Variants in DMTF1 observed in about 807,000 individuals in gnomAD.
DMTF1 encodes cyclin-D-binding Myb-like transcription factor 1.
DMTF1 carries 39 observed loss-of-function variants against 91.1 expected under a neutral mutation model. That is an observed-to-expected ratio of 0.43 (90% CI 0.33 to 0.56). The LOEUF is 0.56. Among genes scored for constraint, DMTF1 ranks in the 20% least tolerant of loss-of-function variants. The probability of loss-of-function intolerance (pLI) is 0.05; values close to 1 mark genes in which losing one functional copy is unlikely to be tolerated. For synonymous variants in DMTF1, 338 were observed against 309.5 expected, an observed-to-expected ratio of 1.09 and a Z score of -0.97; for missense variants, 750 against 914.5, an observed-to-expected ratio of 0.82 and a Z score of 2.32.
chr7:87,186,091 C>G, intron 12 of DMTF1, 111 bp downstream of exon 12: 1 of 1,109,844 alleles, frequency 9.0e-7, no homozygotes, highest in Non-Finnish European at 1.3e-6. Context: ...TAGCAGATTT[C>G]TACTTACACC....
At chr7:87,165,282 CTTCT>C (rs1022567335) in intron 3 of DMTF1, among the ~76,000 whole-genome samples, 3 of 18,098 alleles carry the variant, frequency 1.7e-4, no homozygotes, top group African/African-American at 3.2e-4. Flanking sequence ...ATAATATATA[CTTCT>C]TTTTTTATAC....
intron 7 of DMTF1, among the ~76,000 whole-genome samples, chr7:87,179,125 A>T (rs1796845145): frequency 6.6e-6 from 1 of 151,846 alleles, no homozygotes; most frequent in Non-Finnish European, 1.5e-5. Flanking sequence ...TTTTTTTAAA[A>T]TTTTGGCAGA....
chr7:87,167,211 A>G (rs1433280813), intron 4 of DMTF1, among the ~76,000 whole-genome samples: 1 of 152,242 alleles, frequency 6.6e-6, no homozygotes, highest in Admixed American at 6.5e-5. Context: ...GAAAGTTAGA[A>G]GCCTAATTAG....
chr7:87,175,553 G>A (rs147164748), intron 7 of DMTF1, among the ~76,000 whole-genome samples: 479 of 152,306 alleles, frequency 3.1e-3, no homozygotes, highest in African/African-American at 0.011. Flanking sequence ...ACTGGAAACA[G>A]GTGAAGAGTG....
chr7:87,195,165 C>A lies in DMTF1; in HGVS notation c.*25C>A. On this transcript the variant is annotated 3_prime_UTR_variant, in exon 18 of 18. Transcript: ENST00000331242. Reference sequence around the variant, plus strand: ...GAATAATTCTTAGAAATAGGCAGTTCAAGCAAAGAAGGCACACTGTTAATT... The same window carrying A: ...GAATAATTCTTAGAAATAGGCAGTTAAAGCAAAGAAGGCACACTGTTAATT... The A allele has an allele frequency of 6.6e-7, 1 of 1,524,044 alleles. No individual in the cohort carries two copies. Among genetic ancestry groups the A allele is most frequent in the South Asian group, 1.1e-5 (1 of 88,398 alleles). The allele number at this position is 1,524,044 out of a possible 1,614,324, so 94.4% of individuals were successfully genotyped here.
At chr7:87,154,812 G>C (rs1279889802) in intron 1 of DMTF1, among the ~76,000 whole-genome samples, 2 of 152,062 alleles carry the variant, frequency 1.3e-5, no homozygotes, top group Non-Finnish European at 2.9e-5. Context: ...CCCCAGGGGT[G>C]CTTTAAAGGT....
At chr7:87,191,116 T>C (rs1215066175) in intron 14 of DMTF1, 89 bp downstream of exon 14, 1 of 862,132 alleles carries the variant, frequency 1.2e-6, no homozygotes, top group East Asian at 2.6e-5. Flanking sequence ...TTATGATTCA[T>C]AAAAGTCTGA....
Position 87,170,867 on chromosome 7 carries a change from T to G in DMTF1, c.233-128T>G, listed in dbSNP as rs547606623. The G allele has an allele frequency of 3.8e-4, 249 of 657,394 alleles. 2 individuals are homozygous for G. In the South Asian group the frequency reaches 4.0e-3, roughly 11 times the overall value. The allele number at this position is 657,394 out of a possible 1,614,324, so 40.7% of individuals were successfully genotyped here. ...ATTATTAAGCAAATGAATGTATGTA[T>G]GTGAAGATGTATTAACAAGGAGTGT... is the stretch of plus-strand genomic sequence containing the variant. On this transcript the variant is annotated intron_variant, in intron 4 of 17. Transcript: ENST00000331242.
chr7:87,180,258 T>A (rs530796429), intron 8 of DMTF1, among the ~76,000 whole-genome samples: 1 of 152,354 alleles, frequency 6.6e-6, no homozygotes, highest in Admixed American at 6.5e-5. Context: ...GCTTATTAGA[T>A]ACTGCCGAGC....
At chr7:87,188,502 C>G (rs1423725901) in intron 13 of DMTF1, among the ~76,000 whole-genome samples, 1 of 152,052 alleles carries the variant, frequency 6.6e-6, no homozygotes, top group East Asian at 1.9e-4. Context: ...TAAGCAGTTG[C>G]CCAACCATTA....
chr7:87,188,381 A>G (rs1424917904), intron 13 of DMTF1, 80 bp downstream of exon 13: 30 of 1,458,928 alleles, frequency 2.1e-5, no homozygotes, highest in Non-Finnish European at 2.7e-5. Flanking sequence ...TTGGTTTTCT[A>G]GAATGTTAAT....
At chr7:87,154,445 C>T (rs1790149856) in intron 1 of DMTF1, 2 of 152,634 alleles carry the variant, frequency 1.3e-5, no homozygotes, top group Non-Finnish European at 2.9e-5. Context: ...CCTGCATATT[C>T]TGCGTGAATC....
At chr7:87,193,650 T>TG in intron 15 of DMTF1, 75 bp from the exon 16 acceptor site, 2 of 1,322,612 alleles carry the variant, frequency 1.5e-6, no homozygotes, top group Non-Finnish European at 2.1e-6. Flanking sequence ...GTAAGAGATG[T>TG]GGGGGGAGAC....
At position 87,193,365 on chromosome 7, in the gene DMTF1, A is replaced by G. The variant is rs1383871164; in HGVS notation, c.1650+12A>G. ...TTCATGCTTTATCCGTATGTTACATAAATTACTTGATTTTTGAGTACCTGT... is the reference window on the plus strand; with the variant it reads ...TTCATGCTTTATCCGTATGTTACATGAATTACTTGATTTTTGAGTACCTGT... On this transcript the variant is annotated intron_variant, in intron 15 of 17. Coordinates refer to ENST00000331242, the MANE Select transcript of DMTF1 (RefSeq NM_001142327.2). The G allele has an allele frequency of 6.2e-7, 1 of 1,612,700 alleles. No individual in the cohort carries two copies. Among genetic ancestry groups the G allele is most frequent in the Non-Finnish European group, 8.5e-7 (1 of 1,179,148 alleles).
intron 7 of DMTF1, among the ~76,000 whole-genome samples, chr7:87,175,074 A>C (rs147360803): frequency 6.7e-6 from 1 of 149,766 alleles, no homozygotes; most frequent in Non-Finnish European, 1.5e-5. Context: ...GCTGGAGTAC[A>C]GTGGCACAGT....
intron 3 of DMTF1, among the ~76,000 whole-genome samples, chr7:87,166,078 A>C (rs1294292942): frequency 6.6e-6 from 1 of 152,176 alleles, no homozygotes; most frequent in Non-Finnish European, 1.5e-5. Flanking sequence ...CATAGGCCCC[A>C]GTCATTTCTG....
At chr7:87,170,169 T>C (rs574197056) in intron 4 of DMTF1, among the ~76,000 whole-genome samples, 1 of 152,330 alleles carries the variant, frequency 6.6e-6, no homozygotes, top group African/African-American at 2.4e-5. Context: ...CTCTTCCATC[T>C]CTTCTTTGTC....
At position 87,155,863 on chromosome 7, in the gene DMTF1, A is replaced by G. The variant is rs550478962; in HGVS notation, c.-132+3308A>G. Among the ~76,000 whole-genome samples, 6 of 151,722 alleles carry G rather than the reference A, an allele frequency of 4.0e-5. No homozygotes were observed. The South Asian group carries it at 1.0e-3, about 26-fold the overall frequency. ...GAACAGTTTAATTTTCTATCATTTC[A>G]TATATTTAAATGTCATTTTGATTAT... is the stretch of plus-strand genomic sequence containing the variant. On this transcript the variant is annotated intron_variant, in intron 1 of 17. Coordinates refer to ENST00000331242, the MANE Select transcript of DMTF1 (RefSeq NM_001142327.2).
intron 1 of DMTF1, chr7:87,162,922 T>G (rs1171601726): frequency 7.2e-5 from 11 of 152,050 alleles, no homozygotes; most frequent in Non-Finnish European, 1.6e-4. Flanking sequence ...TTCACATTGC[T>G]TTCAAGAGCT....
Sources: gnomAD v4.1 joint callset for allele counts (sites outside exome capture counted in the v4.1 genomes callset) on GRCh38, gnomAD v4.1.1 for gene constraint, MANE v1.5 for transcripts, NCBI Gene and HGNC (gene_info 2026-07-23, HGNC 2026-07-21) for gene names.